Variants in CTNND2 observed in about 807,000 individuals in gnomAD.
CTNND2 encodes the protein catenin delta 2, also known as catenin delta-2.
A neutral mutation model predicts 144.4 loss-of-function variants in CTNND2; 22 were observed. The observed-to-expected ratio is 0.15, with a 90% confidence interval of 0.11 to 0.22. CTNND2 has a LOEUF of 0.22. Among genes scored for constraint, CTNND2 ranks in the 10% least tolerant of loss-of-function variants. CTNND2 has a pLI of 1.00. For synonymous variants in CTNND2, 751 were observed against 695.6 expected (o/e 1.08, Z -1.25); for missense variants, 1,353 against 1,618.8 (o/e 0.84, Z 2.82).
chr5:11,135,794 C>T (rs1756084798), intron 12 of CTNND2, among the ~76,000 whole-genome samples: 1 of 152,170 alleles, frequency 6.6e-6, no homozygotes, highest in Non-Finnish European at 1.5e-5. Flanking sequence ...CATGCACTGG[C>T]CCCTTACCAT....
intron 2 of CTNND2, among the ~76,000 whole-genome samples, chr5:11,623,798 ATGTG>A (rs1370989684): frequency 0.038 from 1,821 of 48,068 alleles, 63 homozygotes; most frequent in Middle Eastern, 0.1. Context: ...AAATATATAT[ATGTG>A]TGTATGTATA....
At chr5:11,150,871 C>A (rs1403692716) in intron 12 of CTNND2, among the ~76,000 whole-genome samples, 1 of 152,046 alleles carries the variant, frequency 6.6e-6, no homozygotes, top group Non-Finnish European at 1.5e-5. Context: ...GGTGATCCAC[C>A]CGCCTTGGCC....
At chr5:11,767,899 T>G (rs575438469) in intron 1 of CTNND2, among the ~76,000 whole-genome samples, 23 of 128,192 alleles carry the variant, frequency 1.8e-4, no homozygotes, top group Non-Finnish European at 3.3e-4. Context: ...AAATGTATGG[T>G]AGATATAAAT....
intron 2 of CTNND2, among the ~76,000 whole-genome samples, chr5:11,643,386 TC>T (rs1204230073): frequency 2.4e-5 from 2 of 83,360 alleles, no homozygotes; most frequent in African/African-American, 1.1e-4. Context: ...CCCTCCCCCC[TC>T]CCCCCACCCC....
At chr5:11,276,803 C>CAGAG (rs1277376617) in intron 9 of CTNND2, among the ~76,000 whole-genome samples, 2 of 152,046 alleles carry the variant, frequency 1.3e-5, no homozygotes. Flanking sequence ...TGAGCACACA[C>CAGAG]AGAGAGGAAG....
At chr5:11,748,626 G>A (rs553610660) in intron 1 of CTNND2, among the ~76,000 whole-genome samples, 6 of 151,898 alleles carry the variant, frequency 4.0e-5, no homozygotes, top group Non-Finnish European at 5.9e-5. Flanking sequence ...TTTCTTTACC[G>A]CCAAATTCCC....
intron 11 of CTNND2, among the ~76,000 whole-genome samples, chr5:11,181,948 G>A (rs1031294757): frequency 3.5e-5 from 5 of 143,878 alleles, no homozygotes; most frequent in East Asian, 2.1e-4. Flanking sequence ...GTGTGTGGGG[G>A]GGTGCGTGGT....
rs182812664 is a variant in CTNND2, at chr5:11,685,130, T to C, written c.174+47006A>G. 5.0e-3 allele frequency among the ~76,000 whole-genome samples: 763 copies of C among 152,266 alleles called. 8 individuals carry two copies. The highest frequency in any genetic ancestry group is 0.017 in the African/African-American group (725 of 41,554). On this transcript the variant is annotated intron_variant, in intron 2 of 21. Transcript: ENST00000304623. Reference sequence around the variant, plus strand: ...GTGCATTGTTACTTTAGAAAGTAGATTACCACAAAAAGAAAAACAGTACTA... The same window carrying C: ...GTGCATTGTTACTTTAGAAAGTAGACTACCACAAAAAGAAAAACAGTACTA...
intron 16 of CTNND2, among the ~76,000 whole-genome samples, chr5:11,053,919 T>C (rs1580153114): frequency 6.6e-6 from 1 of 152,238 alleles, no homozygotes; most frequent in African/African-American, 2.4e-5. Flanking sequence ...ATAGAAAACC[T>C]TGTTGAAAGG....
chr5:10,994,116 A>T (rs1221828545), intron 18 of CTNND2, among the ~76,000 whole-genome samples: 1 of 150,008 alleles, frequency 6.7e-6, no homozygotes, highest in Non-Finnish European at 1.5e-5. Context: ...TTCGAAAGTA[A>T]ATAGGCCACC....
chr5:11,573,843 A>ATCTGCTT (rs1171515106), intron 2 of CTNND2, among the ~76,000 whole-genome samples: 1 of 152,166 alleles, frequency 6.6e-6, no homozygotes, highest in Non-Finnish European at 1.5e-5. Context: ...GCAGTGTTCC[A>ATCTGCTT]TCTGCTTTTG....
At chr5:11,593,012 C>T (rs955067751) in intron 2 of CTNND2, among the ~76,000 whole-genome samples, 5 of 151,876 alleles carry the variant, frequency 3.3e-5, no homozygotes, top group African/African-American at 1.2e-4. Flanking sequence ...AAAGATAGTG[C>T]CTTCACCTGT....
At position 11,824,492 on chromosome 5, in the gene CTNND2, T is replaced by A. The variant is rs547542915; in HGVS notation, c.37+79325A>T. 8.5e-4 allele frequency among the ~76,000 whole-genome samples: 130 copies of A among 152,238 alleles called. 2 individuals carry two copies. In the South Asian group the frequency reaches 0.027, roughly 31 times the overall value. On this transcript the variant is annotated intron_variant, in intron 1 of 21. Coordinates refer to ENST00000304623, the MANE Select transcript of CTNND2 (RefSeq NM_001332.4). ...CTCACCATGAGGAAGCAGGAAACTA[T>A]CCACTGCTTTTGGGTAAAGGGTAGA...
At chr5:11,793,623 G>C (rs1411364314) in intron 1 of CTNND2, among the ~76,000 whole-genome samples, 1 of 152,204 alleles carries the variant, frequency 6.6e-6, no homozygotes, top group Non-Finnish European at 1.5e-5. Context: ...GGAACTACCA[G>C]AAGCTGGAGA....
At chr5:11,094,237 T>A (rs142748648) in intron 15 of CTNND2, among the ~76,000 whole-genome samples, 4 of 152,290 alleles carry the variant, frequency 2.6e-5, no homozygotes, top group African/African-American at 4.8e-5. Flanking sequence ...GGGATGGAAA[T>A]CTTTTGCAAA....
chr5:11,497,645 G>C (rs571007257), intron 3 of CTNND2, among the ~76,000 whole-genome samples: 7 of 151,676 alleles, frequency 4.6e-5, no homozygotes, highest in Non-Finnish European at 1.0e-4. Context: ...CACAGGCAAA[G>C]GTGAAATAAG....
chr5:11,428,016 C>T (rs928881885), intron 3 of CTNND2, among the ~76,000 whole-genome samples: 2 of 152,150 alleles, frequency 1.3e-5, no homozygotes, highest in Admixed American at 1.3e-4. Flanking sequence ...GAAGCAAAAG[C>T]AGAAACCCCT....
intron 1 of CTNND2, among the ~76,000 whole-genome samples, chr5:11,822,430 A>G (rs1289303442): frequency 2.0e-5 from 3 of 152,182 alleles, no homozygotes; most frequent in African/African-American, 4.8e-5. Context: ...GACTCCAGCA[A>G]TATATTCAAA....
chr5:11,414,422 T>A (rs1761772582), intron 3 of CTNND2, among the ~76,000 whole-genome samples: 1 of 152,198 alleles, frequency 6.6e-6, no homozygotes, highest in African/African-American at 2.4e-5. Flanking sequence ...CCTTCACCAG[T>A]ACAGCTATTT....
Sources: allele counts gnomAD v4.1 joint callset (sites outside exome capture counted in the v4.1 genomes callset), GRCh38; gene constraint gnomAD v4.1.1; transcripts MANE v1.5; gene names NCBI Gene and HGNC (gene_info 2026-07-23, HGNC 2026-07-21).